The following LRRC4C variants were observed in gnomAD, a reference collection of about 807,000 sequenced individuals.
LRRC4C encodes leucine-rich repeat-containing protein 4C.
In LRRC4C, 5 loss-of-function variants were observed where a neutral mutation model predicts 33.6. The ratio of observed to expected loss-of-function variants is 0.15; its 90% CI spans 0.08 to 0.31. LRRC4C has a LOEUF of 0.31. Among genes scored for constraint, LRRC4C ranks in the 10% least tolerant of loss-of-function variants. LRRC4C has a pLI of 1.00. For missense variants in LRRC4C, 560 were observed against 796.7 expected, an observed-to-expected ratio of 0.70 and a Z score of 3.58; for synonymous variants, 329 against 302.0, an observed-to-expected ratio of 1.09 and a Z score of -0.93.
chr11:40,575,821 T>A (rs74736821), intron 3 of LRRC4C, among the ~76,000 whole-genome samples: 2,346 of 152,276 alleles, frequency 0.015, 71 homozygotes, highest in African/African-American at 0.054. Flanking sequence ...ACTATACCAC[T>A]TTCACAAATA....
At chr11:40,990,310 A>G (rs977224638) in intron 1 of LRRC4C, among the ~76,000 whole-genome samples, 2 of 145,002 alleles carry the variant, frequency 1.4e-5, no homozygotes, top group African/African-American at 5.1e-5. Context: ...GTATAAGTCA[A>G]GTAATGATGC....
At chr11:41,067,542 C>T (rs529286731) in intron 1 of LRRC4C, among the ~76,000 whole-genome samples, 31 of 152,294 alleles carry the variant, frequency 2.0e-4, no homozygotes, top group African/African-American at 7.2e-4. Context: ...AAGACTTGAA[C>T]TCAGCCCTGG....
chr11:40,168,617 A>G (rs1859795663), intron 5 of LRRC4C, among the ~76,000 whole-genome samples: 2 of 152,174 alleles, frequency 1.3e-5, no homozygotes, highest in Admixed American at 1.3e-4. Context: ...TGCTTTATGA[A>G]GGGTCAGATG....
At chr11:41,297,468 T>TAAG (rs1293415230) in intron 1 of LRRC4C, among the ~76,000 whole-genome samples, 2 of 152,088 alleles carry the variant, frequency 1.3e-5, no homozygotes, top group Non-Finnish European at 2.9e-5. Flanking sequence ...CAGTGTTTGC[T>TAAG]AAGAATAAAA....
intron 2 of LRRC4C, among the ~76,000 whole-genome samples, chr11:40,917,223 C>T (rs1203492599): frequency 6.6e-6 from 1 of 152,026 alleles, no homozygotes; most frequent in Non-Finnish European, 1.5e-5. Flanking sequence ...TCAGTTTTTT[C>T]CTTCTCTCCA....
At chr11:40,718,420 T>C (rs1946839935) in intron 2 of LRRC4C, among the ~76,000 whole-genome samples, 1 of 152,154 alleles carries the variant, frequency 6.6e-6, no homozygotes, top group Non-Finnish European at 1.5e-5. Context: ...ATGGAAGCAA[T>C]GTGCCAGGAT....
At chr11:40,273,247 C>T (rs1178645455) in intron 4 of LRRC4C, among the ~76,000 whole-genome samples, 1 of 152,002 alleles carries the variant, frequency 6.6e-6, no homozygotes, top group African/African-American at 2.4e-5. Context: ...AGAGAACAAA[C>T]ATATAATTAG....
intron 2 of LRRC4C, among the ~76,000 whole-genome samples, chr11:40,909,642 T>C (rs565481954): frequency 6.6e-6 from 1 of 152,248 alleles, no homozygotes; most frequent in South Asian, 2.1e-4. Context: ...TCTTGATCAG[T>C]TATATTATGT....
chr11:40,363,083 T>G (rs1471928284), intron 3 of LRRC4C, among the ~76,000 whole-genome samples: 2 of 152,128 alleles, frequency 1.3e-5, no homozygotes, highest in African/African-American at 4.8e-5. Flanking sequence ...TATAAATTGT[T>G]CTCTTATAAG....
chr11:41,248,604 C>T (rs549040066), intron 1 of LRRC4C, among the ~76,000 whole-genome samples: 24 of 152,238 alleles, frequency 1.6e-4, no homozygotes, highest in African/African-American at 5.8e-4. Context: ...TGGAATATCA[C>T]AGGAACCACC....
chr11:41,458,829 G>C (rs1234262984), intron 1 of LRRC4C, among the ~76,000 whole-genome samples: 1 of 152,072 alleles, frequency 6.6e-6, no homozygotes, highest in Non-Finnish European at 1.5e-5. Context: ...CAAAAAGAGA[G>C]AGGTTCAAAA....
At chr11:40,666,917 A>G (rs1033003019) in intron 2 of LRRC4C, among the ~76,000 whole-genome samples, 1 of 152,210 alleles carries the variant, frequency 6.6e-6, no homozygotes, top group Non-Finnish European at 1.5e-5. Flanking sequence ...CTCCAAAAAT[A>G]TTTAAGTAGC....
At chr11:41,334,223 G>T (rs1951381106) in intron 1 of LRRC4C, among the ~76,000 whole-genome samples, 1 of 152,150 alleles carries the variant, frequency 6.6e-6, no homozygotes, top group African/African-American at 2.4e-5. Context: ...TACAAAACTT[G>T]CAGTTGGCTG....
At chr11:40,529,757 G>C (rs1460828981) in intron 3 of LRRC4C, among the ~76,000 whole-genome samples, 8 of 152,096 alleles carry the variant, frequency 5.3e-5, no homozygotes, top group Non-Finnish European at 1.2e-4. Flanking sequence ...ATTCAATCAT[G>C]AATTTCTTCA....
chr11:40,654,212 G>A (rs1942975053), intron 2 of LRRC4C, among the ~76,000 whole-genome samples: 2 of 152,186 alleles, frequency 1.3e-5, no homozygotes, highest in Admixed American at 1.3e-4. Flanking sequence ...ACTGCCTAGT[G>A]GAGCTGTGAG....
intron 3 of LRRC4C, among the ~76,000 whole-genome samples, chr11:40,492,779 A>G (rs574195192): frequency 1.3e-5 from 2 of 152,270 alleles, no homozygotes; most frequent in South Asian, 2.1e-4. Context: ...CTCACCTGCA[A>G]GAGTATTCTG....
chr11:41,252,104 A>C (rs959390619), intron 1 of LRRC4C, among the ~76,000 whole-genome samples: 6 of 152,174 alleles, frequency 3.9e-5, no homozygotes, highest in Non-Finnish European at 7.4e-5. Flanking sequence ...GGAATTAAAC[A>C]GGCAAGAAAA....
intron 1 of LRRC4C, among the ~76,000 whole-genome samples, chr11:41,009,959 G>A (rs1855054003): frequency 6.6e-6 from 1 of 152,088 alleles, no homozygotes; most frequent in South Asian, 2.1e-4. Flanking sequence ...AAATAAAAAG[G>A]GGGGAATTTT....
rs1346564399 is a variant in LRRC4C at position 40,259,552 on chromosome 11, G to A, written c.-175-17954C>T. On this transcript the variant is annotated intron_variant, in intron 4 of 6. Transcript: ENST00000528697. ...GGGTTTTTATGGTTTTAGGTCGAACGTTTAAGTCTTTAATCCATCTTGAAT... is the reference window on the plus strand; with the variant it reads ...GGGTTTTTATGGTTTTAGGTCGAACATTTAAGTCTTTAATCCATCTTGAAT... Among the ~76,000 whole-genome samples, 50 of 152,134 alleles carry A rather than the reference G, an allele frequency of 3.3e-4. 1 individual carries two copies. In the South Asian group the frequency reaches 0.01, roughly 32 times the overall value.
Sources: allele counts gnomAD v4.1 joint callset (sites outside exome capture counted in the v4.1 genomes callset), GRCh38; gene constraint gnomAD v4.1.1; transcripts MANE v1.5; gene names NCBI Gene and HGNC (gene_info 2026-07-23, HGNC 2026-07-21).